The following DEK variants were observed in gnomAD, a reference collection of about 807,000 sequenced individuals.
DEK encodes protein DEK.
A neutral mutation model predicts 46.8 loss-of-function variants in DEK; 28 were observed. The ratio of observed to expected loss-of-function variants is 0.60; its 90% CI spans 0.44 to 0.82. The LOEUF (loss-of-function observed/expected upper bound fraction) is 0.82. Among genes scored for constraint, DEK ranks in the 40% least tolerant of loss-of-function variants. The pLI is 0.00. For missense variants in DEK, 416 were observed against 430.6 expected, an observed-to-expected ratio of 0.97 and a Z score of 0.30; for synonymous variants, 160 against 144.5, an observed-to-expected ratio of 1.11 and a Z score of -0.77.
intron 2 of DEK, among the ~76,000 whole-genome samples, chr6:18,261,000 AAAAG>A (rs1395974372): frequency 8.9e-4 from 135 of 151,124 alleles, no homozygotes; most frequent in Non-Finnish European, 1.7e-3. Context: ...AAAAAAAAAA[AAAAG>A]AAAGAAAACC....
At chr6:18,250,623 G>A (rs183002254) in intron 6 of DEK, among the ~76,000 whole-genome samples, 12 of 107,722 alleles carry the variant, frequency 1.1e-4, no homozygotes, top group South Asian at 3.2e-4. Flanking sequence ...CTGTTGTGCA[G>A]TAGCTGGGAT....
At chr6:18,242,189 C>T (rs1331916903) in intron 7 of DEK, among the ~76,000 whole-genome samples, 4 of 152,150 alleles carry the variant, frequency 2.6e-5, no homozygotes, top group Non-Finnish European at 5.9e-5. Flanking sequence ...CTGGCAACAT[C>T]GTGAAACCCC....
chr6:18,259,116 G>A (rs1299205425), intron 2 of DEK, among the ~76,000 whole-genome samples: 1 of 151,608 alleles, frequency 6.6e-6, no homozygotes, highest in Non-Finnish European at 1.5e-5. Flanking sequence ...GGATAACGAG[G>A]TCAGGAGATC....
chr6:18,253,725 CTTA>C (rs1791489150), intron 6 of DEK, among the ~76,000 whole-genome samples: 1 of 152,044 alleles, frequency 6.6e-6, no homozygotes, highest in African/African-American at 2.4e-5. Context: ...TCTTCATATA[CTTA>C]TTATTTTGAG....
chr6:18,245,386 AAAAT>A (rs762959188), intron 7 of DEK, among the ~76,000 whole-genome samples: 6 of 152,330 alleles, frequency 3.9e-5, no homozygotes, highest in Non-Finnish European at 7.4e-5. Context: ...TCATGAAAGA[AAAAT>A]AAACTCCTGT....
At chr6:18,226,746 T>A (rs750539772) in intron 9 of DEK, among the ~76,000 whole-genome samples, 6 of 152,136 alleles carry the variant, frequency 3.9e-5, no homozygotes, top group Non-Finnish European at 8.8e-5. Context: ...TGGCACTGCA[T>A]TCCAGCCTGG....
Position 18,228,871 on chromosome 6 carries a change from G to A in DEK, c.1048-2629C>T, listed in dbSNP as rs192088751. Reference sequence around the variant, plus strand: ...AGGCTTGAGTTGTAAACAAAGCTGCGAGGAAGCTCGAACTGGGTGGAGCCC... The same window carrying A: ...AGGCTTGAGTTGTAAACAAAGCTGCAAGGAAGCTCGAACTGGGTGGAGCCC... On this transcript the variant is annotated intron_variant, in intron 9 of 10. Transcript: ENST00000652689. Among the ~76,000 whole-genome samples the A allele has an allele frequency of 1.4e-4, 22 of 152,338 alleles. No individual in the cohort carries two copies. In the East Asian group the frequency reaches 3.3e-3, roughly 23 times the overall value.
intron 2 of DEK, among the ~76,000 whole-genome samples, chr6:18,259,422 A>AAT (rs1554162677): frequency 1.4e-5 from 2 of 140,086 alleles, no homozygotes; most frequent in Non-Finnish European, 3.3e-5. Flanking sequence ...AAAAAAAAAA[A>AAT]AAAAAAAAAA....
chr6:18,249,642 A>G lies in DEK; in HGVS notation c.762+9T>C, dbSNP rs754715706. Reference sequence around the variant, plus strand: ...AGAAATGATTTAAAAATATAGTAAAATATTTTACCTCCTCTTCACTTTCTT... The same window carrying G: ...AGAAATGATTTAAAAATATAGTAAAGTATTTTACCTCCTCTTCACTTTCTT... On this transcript the variant is annotated intron_variant, in intron 7 of 10. Coordinates refer to ENST00000652689, the MANE Select transcript of DEK (RefSeq NM_003472.4). The G allele has an allele frequency of 2.4e-5, 38 of 1,560,502 alleles. No individual in the cohort carries two copies. The South Asian group carries it at 2.9e-4, about 12-fold the overall frequency.
intron 2 of DEK, among the ~76,000 whole-genome samples, chr6:18,260,032 C>T (rs373693679): frequency 4.4e-4 from 67 of 152,294 alleles, no homozygotes; most frequent in African/African-American, 1.6e-3. Flanking sequence ...CAACTTTCAT[C>T]TGAGATTCAT....
intron 9 of DEK, among the ~76,000 whole-genome samples, chr6:18,232,064 G>A (rs1460735981): frequency 2.6e-5 from 4 of 152,054 alleles, no homozygotes; most frequent in African/African-American, 4.8e-5. Context: ...TTCAACACAC[G>A]CAAATCAACA....
In DEK at chr6:18,225,589, G is replaced by C. The variant is rs1012803680; in HGVS notation, c.*130C>G. 1 of 950,404 alleles carries C rather than the reference G, an allele frequency of 1.1e-6. No homozygotes were observed. Among genetic ancestry groups the C allele is most frequent in the African/African-American group, 1.7e-5 (1 of 59,456 alleles). 58.9% of individuals were successfully genotyped at this position (950,404 alleles called of 1,614,324 possible). ...TTCACATAACACTCAAGATAAAAAG[G>C]TCAGCAGTAAGTTCTACTAACGTTG... On this transcript the variant is annotated 3_prime_UTR_variant, in exon 11 of 11. Transcript: ENST00000652689.
In DEK at chr6:18,225,354, A is replaced by T. The variant is rs1238215918; in HGVS notation, c.*365T>A. 7.8e-6 allele frequency: 2 copies of T among 257,124 alleles called. No homozygotes were observed. The highest frequency in any genetic ancestry group is 1.5e-4 in the South Asian group (1 of 6,746). The allele number at this position is 257,124 out of a possible 1,614,324, so 15.9% of individuals were successfully genotyped here. On this transcript the variant is annotated 3_prime_UTR_variant, in exon 11 of 11. Coordinates refer to ENST00000652689, the MANE Select transcript of DEK (RefSeq NM_003472.4). ...CTCTGTATGTATAAATCCTGGTGAT[A>T]ATAGTTTTTGTTCTACTTGATTAAA...
chr6:18,261,753 C>T (rs1463440661), intron 2 of DEK, among the ~76,000 whole-genome samples: 1 of 152,142 alleles, frequency 6.6e-6, no homozygotes, highest in African/African-American at 2.4e-5. Flanking sequence ...CTCACAGGCT[C>T]ATAGGTGGAA....
intron 7 of DEK, 119 bp from the exon 8 acceptor site, chr6:18,237,635 A>C (rs1790716823): frequency 1.5e-6 from 2 of 1,326,886 alleles, no homozygotes. Flanking sequence ...ATTTGGTATC[A>C]GCAATTAAAA....
chr6:18,236,784 A>G (rs1047019639), intron 8 of DEK, among the ~76,000 whole-genome samples, 184 bp from the exon 9 acceptor site: 7 of 152,240 alleles, frequency 4.6e-5, no homozygotes, highest in Admixed American at 2.0e-4. Context: ...GAAAAATCAA[A>G]AACTATAAAA....
chr6:18,262,882 G>A (rs960178047), intron 2 of DEK, among the ~76,000 whole-genome samples: 5 of 151,954 alleles, frequency 3.3e-5, no homozygotes. Flanking sequence ...CAAACAAAAG[G>A]CACACCTTGT....
At chr6:18,255,623 G>A in intron 6 of DEK, 108 bp downstream of exon 6, 1 of 1,283,644 alleles carries the variant, frequency 7.8e-7, no homozygotes, top group Non-Finnish European at 1.1e-6. Context: ...GTCTTTGAAT[G>A]TAGATATGAA....
intron 7 of DEK, among the ~76,000 whole-genome samples, chr6:18,239,543 T>C (rs1361623974): frequency 6.6e-6 from 1 of 152,000 alleles, no homozygotes; most frequent in Non-Finnish European, 1.5e-5. Context: ...ATCATCACCC[T>C]GCACTACCTC....
Sources: gnomAD v4.1 joint callset for allele counts (sites outside exome capture counted in the v4.1 genomes callset) on GRCh38, gnomAD v4.1.1 for gene constraint, MANE v1.5 for transcripts, NCBI Gene and HGNC (gene_info 2026-07-23, HGNC 2026-07-21) for gene names.